Variants in TCF7L2 observed in about 807,000 individuals in gnomAD.
The protein encoded by TCF7L2 is transcription factor 7-like 2.
Under a neutral mutation model 77.9 loss-of-function variants are expected in TCF7L2, and 23 were observed. The observed-to-expected ratio is 0.30, with a 90% CI of 0.21 to 0.42. TCF7L2 has a LOEUF of 0.42. Among genes scored for constraint, TCF7L2 ranks in the 10% least tolerant of loss-of-function variants. The pLI is 1.00. For missense variants in TCF7L2, 654 were observed against 793.1 expected (o/e 0.82, Z 2.11); for synonymous variants, 413 against 340.2 (o/e 1.21, Z -2.36).
intron 3 of TCF7L2, among the ~76,000 whole-genome samples, chr10:112,961,352 T>C (rs1339278332): frequency 6.6e-6 from 1 of 150,716 alleles, no homozygotes; most frequent in Non-Finnish European, 1.5e-5. Context: ...AGATGTGCCT[T>C]AGTCATCTTG....
At chr10:113,107,383 G>A (rs1481413980) in intron 5 of TCF7L2, among the ~76,000 whole-genome samples, 1 of 151,970 alleles carries the variant, frequency 6.6e-6, no homozygotes, top group African/African-American at 2.4e-5. Flanking sequence ...AAGCCTTACT[G>A]ACCAACCAGT....
intron 5 of TCF7L2, among the ~76,000 whole-genome samples, chr10:113,083,837 TG>T (rs1391740467): frequency 6.6e-6 from 1 of 152,226 alleles, no homozygotes; most frequent in Non-Finnish European, 1.5e-5. Flanking sequence ...GTTCCAAAGA[TG>T]TGGCATTTCC....
intron 4 of TCF7L2, among the ~76,000 whole-genome samples, chr10:112,992,901 T>C (rs910109217): frequency 5.3e-5 from 8 of 151,970 alleles, no homozygotes; most frequent in African/African-American, 1.7e-4. Context: ...GTAGCTGGGA[T>C]TACAGGTGCC....
chr10:112,950,968 G>A (rs2030778113), intron 1 of TCF7L2, 23 bp downstream of exon 1: 1 of 1,596,842 alleles, frequency 6.3e-7, no homozygotes, highest in African/African-American at 1.4e-5. Flanking sequence ...CCTCGGGCTG[G>A]TGGGGTTTTT....
intron 4 of TCF7L2, among the ~76,000 whole-genome samples, chr10:112,972,538 T>C (rs2038498141): frequency 6.6e-6 from 1 of 152,202 alleles, no homozygotes; most frequent in Non-Finnish European, 1.5e-5. Flanking sequence ...GGTGTGATCA[T>C]AGCTCACTGC....
chr10:112,980,869 G>A (rs60459228), intron 4 of TCF7L2, among the ~76,000 whole-genome samples: 3 of 151,828 alleles, frequency 2.0e-5, no homozygotes, highest in African/African-American at 4.8e-5. Flanking sequence ...CTCGTGATCC[G>A]CCCGCCTCAG....
chr10:112,951,462 C>T (rs1403033155), intron 2 of TCF7L2, 21 bp from the exon 3 acceptor site: 2 of 1,406,380 alleles, frequency 1.4e-6, no homozygotes. Flanking sequence ...CCGCTGTCCC[C>T]TCGCCGCCCC....
intron 5 of TCF7L2, among the ~76,000 whole-genome samples, chr10:113,080,050 A>G (rs987442052): frequency 5.9e-5 from 9 of 151,856 alleles, no homozygotes; most frequent in Admixed American, 5.3e-4. Context: ...ACACACACAC[A>G]TGCACCACAG....
chr10:113,073,129 T>TGTGTGTGTGTGAGA (rs56927661), intron 5 of TCF7L2, among the ~76,000 whole-genome samples: 6,619 of 122,862 alleles, frequency 0.054, 239 homozygotes, highest in East Asian at 0.13. Flanking sequence ...TGTGTGTGTG[T>TGTGTGTGTGTGAGA]GAGAGAGAGA....
chr10:113,143,160 T>C (rs1476125025), intron 6 of TCF7L2, among the ~76,000 whole-genome samples: 1 of 152,278 alleles, frequency 6.6e-6, no homozygotes, highest in East Asian at 1.9e-4. Context: ...AACTGGCAGA[T>C]GTGCGGTGGC....
intron 5 of TCF7L2, among the ~76,000 whole-genome samples, chr10:113,069,416 G>A (rs574381550): frequency 6.6e-6 from 1 of 152,080 alleles, no homozygotes; most frequent in Admixed American, 6.5e-5. Flanking sequence ...TTTTAGTAGA[G>A]ACAGGGTTTC....
intron 5 of TCF7L2, among the ~76,000 whole-genome samples, chr10:113,047,241 C>T (rs2053621489): frequency 6.6e-6 from 1 of 152,160 alleles, no homozygotes; most frequent in Non-Finnish European, 1.5e-5. Flanking sequence ...TTTCTTGATA[C>T]ATAGCCACAG....
intron 4 of TCF7L2, among the ~76,000 whole-genome samples, chr10:112,968,219 C>T (rs957953792): frequency 6.6e-6 from 1 of 152,100 alleles, no homozygotes; most frequent in Admixed American, 6.6e-5. Context: ...CCTTGAATGG[C>T]ACAACATGAG....
At chr10:113,016,266 C>T (rs1012845363) in intron 4 of TCF7L2, among the ~76,000 whole-genome samples, 3 of 152,010 alleles carry the variant, frequency 2.0e-5, no homozygotes, top group East Asian at 1.9e-4. Flanking sequence ...TGGGTTTTGC[C>T]GTGTTGTCCA....
At position 113,166,549 on chromosome 10, in the gene TCF7L2, CT is replaced by C. The variant is rs551992622; in HGVS notation, c.*579del. On this transcript the variant is annotated 3_prime_UTR_variant, in exon 14 of 14. Transcript: ENST00000627217. ...AAAGGGTAAAAATGTGTTAATATAC[CT>C]TGTTCCATGGTGTTGTTCTTTTGGG... 627 of 216,860 alleles carry C rather than the reference CT, an allele frequency of 2.9e-3. 1 individual carries two copies. The highest frequency in any genetic ancestry group is 4.5e-3 in the Middle Eastern group (3 of 674). The allele number at this position is 216,860 out of a possible 1,614,324, so 13.4% of individuals were successfully genotyped here.
intron 5 of TCF7L2, among the ~76,000 whole-genome samples, chr10:113,116,274 A>G (rs1320523561): frequency 6.6e-6 from 1 of 152,132 alleles, no homozygotes; most frequent in Admixed American, 6.5e-5. Flanking sequence ...AAAATCATAG[A>G]TTTGATACTC....
At chr10:113,051,486 G>A (rs1279931394) in intron 5 of TCF7L2, among the ~76,000 whole-genome samples, 1 of 152,092 alleles carries the variant, frequency 6.6e-6, no homozygotes, top group Non-Finnish European at 1.5e-5. Context: ...TTTTCTTTTG[G>A]ATTTTTAATG....
rs116707287 is a variant in TCF7L2, at chr10:113,056,165, A to G, written c.552+16039A>G. Among the ~76,000 whole-genome samples, 1,451 of 152,332 alleles carry G rather than the reference A, an allele frequency of 9.5e-3. 23 individuals carry two copies. Among genetic ancestry groups the G allele is most frequent in the African/African-American group, 0.033 (1,376 of 41,566 alleles). On this transcript the variant is annotated intron_variant, in intron 5 of 13. Coordinates refer to ENST00000627217, the MANE Select transcript of TCF7L2 (RefSeq NM_001146274.2). Reference sequence around the variant, plus strand: ...TCAGTCTTTGCAACAGGCTCCTTGAAGCAATTTTATCCCCATTTTAGAGAT... The same window carrying G: ...TCAGTCTTTGCAACAGGCTCCTTGAGGCAATTTTATCCCCATTTTAGAGAT...
intron 8 of TCF7L2, among the ~76,000 whole-genome samples, chr10:113,147,369 A>G (rs111942706): frequency 6.6e-6 from 1 of 152,254 alleles, no homozygotes; most frequent in Non-Finnish European, 1.5e-5. Flanking sequence ...GCAGTGATAG[A>G]GAGTTACATT....
Sources: gnomAD v4.1 joint callset for allele counts (sites outside exome capture counted in the v4.1 genomes callset) on GRCh38, gnomAD v4.1.1 for gene constraint, MANE v1.5 for transcripts, NCBI Gene and HGNC (gene_info 2026-07-23, HGNC 2026-07-21) for gene names.